GLI2: variants seen among roughly 807,000 people sequenced by gnomAD.
GLI2 encodes GLI family zinc finger 2.
In GLI2, 22 loss-of-function variants were observed where a neutral mutation model predicts 78.9. The observed-to-expected ratio is 0.28, with a 90% CI of 0.20 to 0.40. The LOEUF (loss-of-function observed/expected upper bound fraction) is 0.40. GLI2 is among the 10% of genes least tolerant of loss of function. The probability of loss-of-function intolerance (pLI) is 1.00; values close to 1 mark genes in which losing one functional copy is unlikely to be tolerated. For synonymous variants in GLI2, 974 were observed against 963.7 expected, an observed-to-expected ratio of 1.01 and a Z score of -0.20; for missense variants, 2,097 against 2,213.2, an observed-to-expected ratio of 0.95 and a Z score of 1.05.
At chr2:120,813,397 G>A (rs112954475) in intron 2 of GLI2, among the ~76,000 whole-genome samples, 240 of 152,296 alleles carry the variant, frequency 1.6e-3, no homozygotes, top group African/African-American at 5.2e-3. Context: ...TGGCTGCCAC[G>A]TGCCCTTGAG....
intron 2 of GLI2, among the ~76,000 whole-genome samples, chr2:120,865,394 G>A (rs1275152631): frequency 6.6e-6 from 1 of 152,184 alleles, no homozygotes; most frequent in African/African-American, 2.4e-5. Flanking sequence ...TAGGAGGGAC[G>A]GGGTCCTTCT....
chr2:120,981,191 C>A (rs1682703465), intron 10 of GLI2, among the ~76,000 whole-genome samples: 1 of 152,182 alleles, frequency 6.6e-6, no homozygotes, highest in Admixed American at 6.5e-5. Flanking sequence ...TGGAGTTAAT[C>A]TTTGTACATG....
intron 2 of GLI2, among the ~76,000 whole-genome samples, chr2:120,808,693 A>G (rs995418820): frequency 5.9e-5 from 9 of 152,214 alleles, no homozygotes; most frequent in African/African-American, 2.2e-4. Flanking sequence ...AGGACAGACA[A>G]GTGTGAGTTC....
chr2:120,831,990 G>T (rs1238998069), intron 2 of GLI2, among the ~76,000 whole-genome samples: 1 of 152,228 alleles, frequency 6.6e-6, no homozygotes, highest in Non-Finnish European at 1.5e-5. Context: ...CCCATATGGG[G>T]CACCACAAGG....
chr2:120,974,369 C>T (rs1682343099), intron 8 of GLI2, among the ~76,000 whole-genome samples: 1 of 152,236 alleles, frequency 6.6e-6, no homozygotes, highest in South Asian at 2.1e-4. Flanking sequence ...AGTCTGTTGC[C>T]AGTTTGAGAG....
At chr2:120,743,782 A>C (rs1250237559) in intron 1 of GLI2, among the ~76,000 whole-genome samples, 1 of 152,206 alleles carries the variant, frequency 6.6e-6, no homozygotes, top group East Asian at 1.9e-4. Context: ...GTCATCTCTC[A>C]GGTCCTCCCA....
intron 5 of GLI2, among the ~76,000 whole-genome samples, chr2:120,956,493 A>G (rs1681270285): frequency 6.6e-6 from 1 of 152,090 alleles, no homozygotes; most frequent in African/African-American, 2.4e-5. Flanking sequence ...GTCTCAAGGA[A>G]TAGTGGAGGG....
intron 2 of GLI2, among the ~76,000 whole-genome samples, chr2:120,925,855 A>G (rs897803011): frequency 2.0e-5 from 3 of 151,952 alleles, no homozygotes; most frequent in South Asian, 2.1e-4. Context: ...GGCGGATCAC[A>G]AGGTCAGGAG....
At chr2:120,916,815 A>G (rs1214246405) in intron 2 of GLI2, among the ~76,000 whole-genome samples, 1 of 152,236 alleles carries the variant, frequency 6.6e-6, no homozygotes, top group Non-Finnish European at 1.5e-5. Context: ...GATGGGGCCC[A>G]AAGCCTGTGT....
chr2:120,850,321 C>T (rs997691800), intron 2 of GLI2, among the ~76,000 whole-genome samples: 1 of 151,988 alleles, frequency 6.6e-6, no homozygotes, highest in Non-Finnish European at 1.5e-5. Flanking sequence ...CAGAACAGAA[C>T]AAAACAAAAC....
intron 2 of GLI2, among the ~76,000 whole-genome samples, chr2:120,819,877 G>C (rs1421400213): frequency 6.6e-6 from 1 of 152,182 alleles, no homozygotes; most frequent in Non-Finnish European, 1.5e-5. Flanking sequence ...CCTGCTGCTG[G>C]GGGAAGAGAG....
chr2:120,948,739 C>A (rs551114621), intron 3 of GLI2, among the ~76,000 whole-genome samples: 1 of 152,314 alleles, frequency 6.6e-6, no homozygotes, highest in Non-Finnish European at 1.5e-5. Context: ...GTGGTTGGCA[C>A]ACCCCACAGG....
chr2:120,883,355 C>T (rs1437026330), intron 2 of GLI2, among the ~76,000 whole-genome samples: 1 of 152,132 alleles, frequency 6.6e-6, no homozygotes, highest in East Asian at 1.9e-4. Context: ...AGCATGGTGG[C>T]ACGTGCCTAC....
chr2:120,820,748 T>A (rs1015451536), intron 2 of GLI2, among the ~76,000 whole-genome samples: 1 of 152,182 alleles, frequency 6.6e-6, no homozygotes, highest in African/African-American at 2.4e-5. Flanking sequence ...GGTAGCTTTT[T>A]TTCTAGTGGG....
At chr2:120,853,562 G>C (rs1687507354) in intron 2 of GLI2, among the ~76,000 whole-genome samples, 1 of 152,192 alleles carries the variant, frequency 6.6e-6, no homozygotes, top group Admixed American at 6.5e-5. Flanking sequence ...TGGATCTGTT[G>C]TTTTTCTAAG....
In GLI2 at chr2:120,921,288, C is replaced by T. The variant is rs115394004; in HGVS notation, c.149-6073C>T. ...TTGGTGGGGGGTGTTGGGGTGCTGT[C>T]CTATTATACCTGGGCTCAGAGGATT... is the stretch of plus-strand genomic sequence containing the variant. On this transcript the variant is annotated intron_variant, in intron 2 of 13. Transcript: ENST00000361492. Among the ~76,000 whole-genome samples the T allele has an allele frequency of 2.2e-3, 341 of 152,038 alleles. 1 individual carries two copies. The highest frequency in any genetic ancestry group is 7.9e-3 in the African/African-American group (329 of 41,440).
chr2:120,905,878 G>A (rs866800263), intron 2 of GLI2, among the ~76,000 whole-genome samples: 35 of 98,256 alleles, frequency 3.6e-4, no homozygotes, highest in South Asian at 2.4e-3. Flanking sequence ...CCCCCCCCCC[G>A]CCCCCACATG....
chr2:120,958,309 C>T lies in GLI2; in HGVS notation c.643+2879C>T, dbSNP rs531193407. On this transcript the variant is annotated intron_variant, in intron 5 of 13. Coordinates refer to ENST00000361492, the MANE Select transcript of GLI2 (RefSeq NM_001374353.1). Reference sequence around the variant, plus strand: ...GGTCTCTTTCCACCAGTATATCTTTCCCTCTTTAAATCCACTCACTCTTGC... The same window carrying T: ...GGTCTCTTTCCACCAGTATATCTTTTCCTCTTTAAATCCACTCACTCTTGC... Among the ~76,000 whole-genome samples the T allele has an allele frequency of 6.6e-5, 10 of 152,282 alleles. No individual in the cohort carries two copies. The East Asian group carries it at 1.7e-3, about 26-fold the overall frequency.
intron 3 of GLI2, among the ~76,000 whole-genome samples, chr2:120,941,918 C>T (rs965129998): frequency 2.6e-5 from 4 of 152,166 alleles, no homozygotes; most frequent in Non-Finnish European, 5.9e-5. Flanking sequence ...GGGGAAAGCC[C>T]GCTCCACAGC....
Sources: allele counts gnomAD v4.1 joint callset (sites outside exome capture counted in the v4.1 genomes callset), GRCh38; gene constraint gnomAD v4.1.1; transcripts MANE v1.5; gene names NCBI Gene and HGNC (gene_info 2026-07-23, HGNC 2026-07-21).